ELAVL2: variants seen among roughly 807,000 people sequenced by gnomAD.
ELAVL2 encodes ELAV-like protein 2.
In ELAVL2, 4 loss-of-function variants were observed where a neutral mutation model predicts 34.6. That is an observed-to-expected ratio of 0.12 (90% confidence interval 0.06 to 0.26). ELAVL2 has a LOEUF of 0.26. Among genes scored for constraint, ELAVL2 ranks in the 10% least tolerant of loss-of-function variants. The pLI is 1.00. For synonymous variants in ELAVL2, 193 were observed against 154.8 expected (o/e 1.25, Z -1.83); for missense variants, 432 against 442.8 (o/e 0.98, Z 0.22).
At chr9:23,733,477 G>A (rs1322293568) in intron 2 of ELAVL2, among the ~76,000 whole-genome samples, 1 of 152,196 alleles carries the variant, frequency 6.6e-6, no homozygotes, top group East Asian at 1.9e-4. Flanking sequence ...CCTAGCTGGG[G>A]CTACAACGGG....
At chr9:23,718,040 G>A (rs571528070) in intron 3 of ELAVL2, among the ~76,000 whole-genome samples, 2 of 152,252 alleles carry the variant, frequency 1.3e-5, no homozygotes, top group East Asian at 3.9e-4. Context: ...TAAAGCTACT[G>A]ACCTTTCCTA....
chr9:23,766,334 G>A (rs967024255), intron 1 of ELAVL2, among the ~76,000 whole-genome samples: 1 of 152,060 alleles, frequency 6.6e-6, no homozygotes, highest in South Asian at 2.1e-4. Context: ...CTGAACCTGT[G>A]AAAAAGTGCT....
chr9:23,815,624 G>T (rs914059031), intron 1 of ELAVL2, among the ~76,000 whole-genome samples: 2 of 152,064 alleles, frequency 1.3e-5, no homozygotes, highest in Non-Finnish European at 2.9e-5. Context: ...ATCTTTACGT[G>T]GTCCTTGAGA....
intron 3 of ELAVL2, among the ~76,000 whole-genome samples, chr9:23,717,005 G>T (rs2042477208): frequency 6.6e-6 from 1 of 152,210 alleles, no homozygotes; most frequent in South Asian, 2.1e-4. Flanking sequence ...AGACAGAAAT[G>T]TATGGAAGGA....
intron 1 of ELAVL2, among the ~76,000 whole-genome samples, chr9:23,815,905 C>T (rs925468291): frequency 2.0e-5 from 3 of 152,094 alleles, no homozygotes; most frequent in African/African-American, 7.2e-5. Flanking sequence ...GACAGGAAAG[C>T]TTAGAGTCAG....
chr9:23,846,849 T>C, the ELAVL2 span, among the ~76,000 whole-genome samples: 3 of 152,122 alleles, frequency 2.0e-5, no homozygotes, highest in Non-Finnish European at 4.4e-5. Flanking sequence ...ATGAGCTTTA[T>C]ATGAAGGCCT....
At chr9:23,755,779 TAC>T (rs1405835854) in intron 2 of ELAVL2, among the ~76,000 whole-genome samples, 2 of 152,140 alleles carry the variant, frequency 1.3e-5, no homozygotes, top group Non-Finnish European at 2.9e-5. Context: ...TTAAATAGCA[TAC>T]AGAGTTTGCA....
intron 1 of ELAVL2, among the ~76,000 whole-genome samples, chr9:23,764,107 C>CA (rs935920751): frequency 6.6e-6 from 1 of 151,974 alleles, no homozygotes; most frequent in Non-Finnish European, 1.5e-5. Flanking sequence ...CTTTTCACAG[C>CA]AAAAATTCTT....
chr9:23,758,381 G>C (rs1392836642), intron 2 of ELAVL2, among the ~76,000 whole-genome samples: 1 of 151,858 alleles, frequency 6.6e-6, no homozygotes, highest in Non-Finnish European at 1.5e-5. Flanking sequence ...TATTCAGTAA[G>C]AAACTCAGAA....
chr9:23,714,504 G>A (rs1391414711), intron 3 of ELAVL2, among the ~76,000 whole-genome samples: 3 of 152,150 alleles, frequency 2.0e-5, no homozygotes, highest in Non-Finnish European at 4.4e-5. Flanking sequence ...CATACAGAGA[G>A]CAAACATTCA....
chr9:23,793,355 C>T (rs2060541373), intron 1 of ELAVL2, among the ~76,000 whole-genome samples: 1 of 152,130 alleles, frequency 6.6e-6, no homozygotes. Context: ...ATGGGAAGAT[C>T]TGACACAAAT....
chr9:23,829,335 A>C (rs2065427616), upstream of ELAVL2, among the ~76,000 whole-genome samples: 1 of 152,218 alleles, frequency 6.6e-6, no homozygotes, highest in Non-Finnish European at 1.5e-5. Context: ...GTTGTGGAAA[A>C]TGTCTTTTAG....
chr9:23,697,011 G>T (rs919857046), intron 5 of ELAVL2, among the ~76,000 whole-genome samples: 1 of 152,008 alleles, frequency 6.6e-6, no homozygotes, highest in Non-Finnish European at 1.5e-5. Flanking sequence ...TCAGTCCTGT[G>T]TATCACCTGC....
intron 1 of ELAVL2, among the ~76,000 whole-genome samples, chr9:23,807,356 T>C (rs1478762782): frequency 6.6e-6 from 1 of 152,144 alleles, no homozygotes; most frequent in Non-Finnish European, 1.5e-5. Context: ...CCGTGTCTTT[T>C]CCAATTGCTT....
intron 3 of ELAVL2, among the ~76,000 whole-genome samples, chr9:23,711,014 G>C (rs1199532106): frequency 6.6e-6 from 1 of 152,128 alleles, no homozygotes; most frequent in East Asian, 1.9e-4. Flanking sequence ...CCAGGAACAA[G>C]TCTCAAACAC....
At chr9:23,747,833 T>A (rs1349826625) in intron 2 of ELAVL2, among the ~76,000 whole-genome samples, 1 of 152,062 alleles carries the variant, frequency 6.6e-6, no homozygotes, top group Admixed American at 6.6e-5. Context: ...AGTCACTAAG[T>A]GTGGAATGAT....
chr9:23,751,073 G>A (rs73654363), intron 2 of ELAVL2, among the ~76,000 whole-genome samples: 3,088 of 152,210 alleles, frequency 0.02, 117 homozygotes, highest in African/African-American at 0.071. Flanking sequence ...ACTCTACAAG[G>A]TAATAAACAT....
intron 1 of ELAVL2, among the ~76,000 whole-genome samples, chr9:23,781,821 G>C (rs911784843): frequency 3.3e-5 from 5 of 152,060 alleles, no homozygotes; most frequent in African/African-American, 1.2e-4. Context: ...AGCCTCCTGA[G>C]TAGCCGGCAA....
At chr9:23,781,136 G>T (rs554667937) in intron 1 of ELAVL2, among the ~76,000 whole-genome samples, 2 of 152,194 alleles carry the variant, frequency 1.3e-5, no homozygotes, top group Non-Finnish European at 2.9e-5. Flanking sequence ...GTTATTAAAA[G>T]AAATAAGTTA....
Sources: gnomAD v4.1 joint callset for allele counts (sites outside exome capture counted in the v4.1 genomes callset) on GRCh38, gnomAD v4.1.1 for gene constraint, MANE v1.5 for transcripts, NCBI Gene and HGNC (gene_info 2026-07-23, HGNC 2026-07-21) for gene names.